GON4L: variants seen among roughly 807,000 people sequenced by gnomAD.
GON4L encodes GON-4-like protein.
Under a neutral mutation model 211.8 loss-of-function variants are expected in GON4L, and 87 were observed. The ratio of observed to expected loss-of-function variants is 0.41; its 90% CI spans 0.35 to 0.49. The LOEUF is 0.49. Among genes scored for constraint, GON4L ranks in the 20% least tolerant of loss-of-function variants. GON4L has a pLI of 0.15. For missense variants in GON4L, 2,155 were observed against 2,659.5 expected (o/e 0.81, Z 4.17); for synonymous variants, 875 against 962.6 (o/e 0.91, Z 1.68).
chr1:155,749,499 A>C, downstream of GON4L: 1 of 1,426,736 alleles, frequency 7.0e-7, no homozygotes, highest in Non-Finnish European at 9.5e-7. Flanking sequence ...TACGCACTTA[A>C]TGGCTGTTCT....
At chr1:155,778,828 G>T (rs1664100095) in intron 14 of GON4L, among the ~76,000 whole-genome samples, 1 of 152,108 alleles carries the variant, frequency 6.6e-6, no homozygotes, top group Non-Finnish European at 1.5e-5. Flanking sequence ...TCTTACGTTA[G>T]CTTGCTGATG....
chr1:155,858,703 ATT>A (rs61526659), upstream of GON4L, among the ~76,000 whole-genome samples: 49,764 of 89,518 alleles, frequency 0.56, 13,603 homozygotes, highest in Middle Eastern at 0.73. Context: ...GTACAACCAA[ATT>A]TTTTTTTTTT....
intron 8 of GON4L, 112 bp from the exon 9 acceptor site, chr1:155,814,561 C>A: frequency 9.0e-7 from 1 of 1,108,326 alleles, no homozygotes; most frequent in Non-Finnish European, 1.4e-6. Flanking sequence ...GCCTGGCCAA[C>A]ATGGTGAACA....
downstream of GON4L, among the ~76,000 whole-genome samples, chr1:155,745,672 A>G (rs1481724969): frequency 6.6e-6 from 1 of 152,132 alleles, no homozygotes; most frequent in African/African-American, 2.4e-5. Context: ...AGGAAGAGGT[A>G]GGAAAGGATC....
chr1:155,835,852 C>T (rs925885029), intron 2 of GON4L, among the ~76,000 whole-genome samples: 2 of 152,182 alleles, frequency 1.3e-5, no homozygotes, highest in African/African-American at 4.8e-5. Flanking sequence ...TGGGCTGAGC[C>T]CCAATTTGGG....
chr1:155,769,797 A>G (rs1336364341), intron 19 of GON4L, among the ~76,000 whole-genome samples: 1 of 152,072 alleles, frequency 6.6e-6, no homozygotes, highest in East Asian at 1.9e-4. Flanking sequence ...ATTGTGACAT[A>G]ATTACTAGCG....
intron 19 of GON4L, among the ~76,000 whole-genome samples, 200 bp from the exon 20 acceptor site, chr1:155,767,741 T>A (rs1662683339): frequency 6.6e-6 from 1 of 152,148 alleles, no homozygotes; most frequent in Non-Finnish European, 1.5e-5. Flanking sequence ...CAAATTAAAC[T>A]AATCTCTATT....
At position 155,765,967 on chromosome 1, in the gene GON4L, G is replaced by A. The variant is rs1039617131; in HGVS notation, c.3506C>T (p.Ala1169Val). The change falls in exon 21 of 32, where the codon GCG becomes GTG. Residue 1169 changes from alanine to valine, a missense_variant. Transcript: ENST00000368331. Reference protein sequence around the residue: ...GGCNMIQPVNAAVAQSPQTIP... With the variant: ...GGCNMIQPVNVAVAQSPQTIP... Reference sequence around the variant, plus strand: ...AGTCTGGGGACTCTGGGCCACAGCCGCATTGACAGGCTGGATCATGTTACA... The same window carrying A: ...AGTCTGGGGACTCTGGGCCACAGCCACATTGACAGGCTGGATCATGTTACA... 2.3e-5 allele frequency: 37 copies of A among 1,614,028 alleles called. No individual in the cohort carries two copies. Among genetic ancestry groups the A allele is most frequent in the African/African-American group, 5.3e-5 (4 of 74,914 alleles).
intron 14 of GON4L, among the ~76,000 whole-genome samples, chr1:155,779,625 C>T (rs1664211941): frequency 6.6e-6 from 1 of 152,010 alleles, no homozygotes; most frequent in African/African-American, 2.4e-5. Context: ...CAGATCTTAC[C>T]CTGACTGCAT....
In GON4L at chr1:155,782,007, T is replaced by C. The variant is rs563319501; in HGVS notation, c.1892+1979A>G. On this transcript the variant is annotated intron_variant, in intron 14 of 31. Coordinates refer to ENST00000368331, the MANE Select transcript of GON4L (RefSeq NM_001282860.2). ...CTGACCTAAAGTGATCTGCCTGCCT[T>C]AGCCTCCCAAAGTGCTGAGATTACA... 6.3e-4 allele frequency among the ~76,000 whole-genome samples: 96 copies of C among 152,316 alleles called. 1 individual carries two copies. The highest frequency in any genetic ancestry group is 3.3e-3 in the Admixed American group (50 of 15,294).
At chr1:155,821,369 C>A in intron 5 of GON4L, 105 bp downstream of exon 5, 1 of 727,532 alleles carries the variant, frequency 1.4e-6, no homozygotes, top group East Asian at 2.6e-5. Flanking sequence ...AACTTTAACC[C>A]CAGCTGCCAA....
intron 6 of GON4L, 81 bp downstream of exon 6, chr1:155,820,524 TC>T: frequency 1.1e-6 from 1 of 903,404 alleles, no homozygotes; most frequent in Admixed American, 1.7e-5. Flanking sequence ...CCACAATCTT[TC>T]CTATATTTTT....
At chr1:155,826,203 CCT>C (rs893571288) in intron 3 of GON4L, among the ~76,000 whole-genome samples, 2 of 151,232 alleles carry the variant, frequency 1.3e-5, no homozygotes, top group Non-Finnish European at 3.0e-5. Flanking sequence ...AGAGTGAGAC[CCT>C]GTCTTTAAAA....
At chr1:155,827,347 C>A (rs575980783) in intron 2 of GON4L, among the ~76,000 whole-genome samples, 1 of 152,190 alleles carries the variant, frequency 6.6e-6, no homozygotes, top group African/African-American at 2.4e-5. Context: ...CACCATATTT[C>A]ATCAACTATA....
chr1:155,797,709 C>G (rs1393146984), intron 11 of GON4L, among the ~76,000 whole-genome samples: 2 of 150,446 alleles, frequency 1.3e-5, no homozygotes, highest in African/African-American at 4.9e-5. Flanking sequence ...AAAAATTAGC[C>G]AAGAGTAATG....
At chr1:155,820,745 C>G in intron 5 of GON4L, 89 bp from the exon 6 acceptor site, 1 of 953,366 alleles carries the variant, frequency 1.0e-6, no homozygotes, top group South Asian at 1.3e-5. Flanking sequence ...ACTTTAGGGG[C>G]CAAGGTGGGA....
At chr1:155,783,790 A>G (rs1664655472) in intron 14 of GON4L, among the ~76,000 whole-genome samples, 196 bp downstream of exon 14, 1 of 152,182 alleles carries the variant, frequency 6.6e-6, no homozygotes, top group Non-Finnish European at 1.5e-5. Flanking sequence ...CCAAACGGAT[A>G]TAGCTTGGCC....
intron 12 of GON4L, among the ~76,000 whole-genome samples, chr1:155,791,915 AACATAACATC>A (rs774330170): frequency 0.016 from 1,952 of 124,968 alleles, 34 homozygotes; most frequent in African/African-American, 0.038. Context: ...AACATAACAT[AACATAACATC>A]ACATAACATA....
At chr1:155,831,737 C>T (rs764788215) in intron 2 of GON4L, 3 of 150,892 alleles carry the variant, frequency 2.0e-5, no homozygotes, top group South Asian at 2.1e-4. Context: ...GGTCTGTAGT[C>T]GCAGCTTTTT....
Sources: gnomAD v4.1 joint callset for allele counts (sites outside exome capture counted in the v4.1 genomes callset) on GRCh38, gnomAD v4.1.1 for gene constraint, MANE v1.5 for transcripts, NCBI Gene and HGNC (gene_info 2026-07-23, HGNC 2026-07-21) for gene names.